Variants in PPM1E observed in about 807,000 individuals in gnomAD.
PPM1E encodes the protein protein phosphatase, Mg2+/Mn2+ dependent 1E.
PPM1E carries 20 observed loss-of-function variants against 65.9 expected under a neutral mutation model. That is an observed-to-expected ratio of 0.30 (90% CI 0.21 to 0.44). The LOEUF is 0.44. Ranked by LOEUF, PPM1E falls within the 20% of genes least tolerant of loss-of-function variation. The pLI is 1.00. For missense variants in PPM1E, 713 were observed against 953.1 expected (o/e 0.75, Z 3.32); for synonymous variants, 352 against 374.9 (o/e 0.94, Z 0.70).
intron 1 of PPM1E, among the ~76,000 whole-genome samples, chr17:58,778,297 A>G (rs1430043995): frequency 1.3e-5 from 2 of 151,134 alleles, no homozygotes; most frequent in Non-Finnish European, 2.9e-5. Context: ...ACGGGGTTTC[A>G]CCATGTTGGC....
intron 1 of PPM1E, among the ~76,000 whole-genome samples, chr17:58,858,048 C>T (rs780189467): frequency 1.2e-4 from 19 of 152,170 alleles, no homozygotes; most frequent in Non-Finnish European, 1.8e-4. Context: ...CCATAAAAAA[C>T]GTCATTGTTA....
intron 1 of PPM1E, among the ~76,000 whole-genome samples, chr17:58,861,504 G>A (rs543773653): frequency 7.5e-4 from 114 of 152,138 alleles, no homozygotes; most frequent in Non-Finnish European, 1.2e-3. Context: ...GTCCAGATTG[G>A]CAAAGTGACT....
chr17:58,834,768 G>T (rs986601513), intron 1 of PPM1E, among the ~76,000 whole-genome samples: 1 of 151,962 alleles, frequency 6.6e-6, no homozygotes, highest in Non-Finnish European at 1.5e-5. Context: ...CTCCCAATAC[G>T]ACCGTTTAAC....
rs753059616 is a variant in PPM1E, at chr17:58,955,643, T to A, written c.465-6T>A. On this transcript the variant is annotated splice_region_variant and splice_polypyrimidine_tract_variant and intron_variant, in intron 1 of 6. Transcript: ENST00000308249. ...TGAAAATGGCCTTTTATCTTTTTTC[T>A]TGCAGTAATTGCCCTTCCTTTTTGG... 4.3e-6 allele frequency: 7 copies of A among 1,613,060 alleles called. No individual in the cohort carries two copies. The highest frequency in any genetic ancestry group is 5.1e-6 in the Non-Finnish European group (6 of 1,179,858).
intron 1 of PPM1E, among the ~76,000 whole-genome samples, chr17:58,822,529 A>G (rs2050491667): frequency 6.6e-6 from 1 of 152,104 alleles, no homozygotes; most frequent in African/African-American, 2.4e-5. Context: ...GATTGGAGCC[A>G]GTTTCAATTG....
In PPM1E at chr17:58,980,642, C is replaced by T. The variant is rs762255757; in HGVS notation, c.1879C>T (p.Pro627Ser). Residue 627 changes from proline (P) to serine (S), a missense_variant, in exon 7 of 7, where the codon CCC becomes TCC. Pro to Ser is a moderately conservative substitution (Grantham distance 74). Transcript: ENST00000308249. This position sits in a 1 kb window ranked among gnomAD's most constrained non-coding sequence, Gnocchi z 4.7. ...LPEWSGAGEF[P>S]TAFNLGSTGE... ...TGAATGGAGTGGTGCTGGAGAGTTTCCCACTGCTTTCAATTTGGGTTCAAC... is the reference window on the plus strand; with the variant it reads ...TGAATGGAGTGGTGCTGGAGAGTTTTCCACTGCTTTCAATTTGGGTTCAAC... 3 of 1,614,036 alleles carry T rather than the reference C, an allele frequency of 1.9e-6. No homozygotes were observed. Among genetic ancestry groups the T allele is most frequent in the Non-Finnish European group, 2.5e-6 (3 of 1,180,030 alleles).
chr17:58,785,356 A>G (rs927715049), intron 1 of PPM1E: 1 of 147,588 alleles, frequency 6.8e-6, no homozygotes, highest in African/African-American at 2.5e-5. Context: ...CCCAGGCAAG[A>G]GTGCAGTGGT....
chr17:58,887,045 A>G (rs2051274373), intron 1 of PPM1E, among the ~76,000 whole-genome samples: 1 of 152,214 alleles, frequency 6.6e-6, no homozygotes, highest in South Asian at 2.1e-4. Context: ...AGCACTGCAT[A>G]TATAAAGCTC....
At chr17:58,832,977 T>C (rs1303442424) in intron 1 of PPM1E, among the ~76,000 whole-genome samples, 2 of 152,078 alleles carry the variant, frequency 1.3e-5, no homozygotes, top group Non-Finnish European at 2.9e-5. Context: ...TACTCCTGGC[T>C]ATGGCTAATT....
At chr17:58,936,433 G>A (rs2051981631) in intron 1 of PPM1E, among the ~76,000 whole-genome samples, 1 of 152,110 alleles carries the variant, frequency 6.6e-6, no homozygotes, top group Admixed American at 6.5e-5. Flanking sequence ...CTCCAGACGA[G>A]TCTCTCTCCA....
chr17:58,935,766 G>T (rs1284361530), intron 1 of PPM1E, among the ~76,000 whole-genome samples: 3 of 151,916 alleles, frequency 2.0e-5, no homozygotes, highest in African/African-American at 7.3e-5. Context: ...GTGAGCAAAT[G>T]GTTGGTAAGA....
At chr17:58,788,823 C>A (rs2050129087) in intron 1 of PPM1E, among the ~76,000 whole-genome samples, 1 of 152,046 alleles carries the variant, frequency 6.6e-6, no homozygotes, top group South Asian at 2.1e-4. Flanking sequence ...ATTGAACATT[C>A]CTTTTCATGC....
At position 58,980,506 on chromosome 17, in the gene PPM1E, C is replaced by T; in HGVS notation, c.1743C>T (p.His581=). Residue 581 remains histidine, a synonymous_variant, in exon 7 of 7, where the codon CAC becomes CAT. Transcript: ENST00000308249. The surrounding 1 kb of genome is among the most constrained non-coding windows in gnomAD (Gnocchi z 4.7). ...DLTQIEASKP[H]SAQFLLPVEM... is the part of the protein sequence containing the mutation. ...CACAAATAGAAGCAAGCAAACCTCA[C>T]AGTGCCCAGTTTTTGCTACCAGTTG... The T allele has an allele frequency of 6.2e-7, 1 of 1,614,180 alleles. No individual in the cohort carries two copies.
chr17:58,893,249 T>G (rs1239088261), intron 1 of PPM1E, among the ~76,000 whole-genome samples: 2 of 152,042 alleles, frequency 1.3e-5, no homozygotes, highest in African/African-American at 4.8e-5. Flanking sequence ...CGGTGGTGCA[T>G]CCAGACAATG....
intron 1 of PPM1E, among the ~76,000 whole-genome samples, chr17:58,862,231 T>C (rs1344100175): frequency 6.6e-6 from 1 of 152,234 alleles, no homozygotes. Flanking sequence ...TGGAAGGGCT[T>C]TTGGCAAAGG....
chr17:58,910,856 C>A (rs1404326598), intron 1 of PPM1E, among the ~76,000 whole-genome samples: 1 of 152,182 alleles, frequency 6.6e-6, no homozygotes, highest in African/African-American at 2.4e-5. Flanking sequence ...CTAGTTTCTT[C>A]TGAAAGAAGA....
At chr17:58,805,946 T>G (rs2050300848) in intron 1 of PPM1E, among the ~76,000 whole-genome samples, 1 of 95,540 alleles carries the variant, frequency 1.0e-5, no homozygotes, top group Non-Finnish European at 2.0e-5. Context: ...CAGGCTGTTC[T>G]GCTAAAAAAA....
chr17:58,972,239 T>C lies in PPM1E; in HGVS notation c.1080T>C (p.Ala360=). ...TTATGCTTGTGAGAAAGGGCCAAGC[T>C]GTTGAACTAATGAAGCCACACAAAC... ...SQVMLVRKGQ[A]VELMKPHKPD... The change falls in exon 5 of 7, where the codon GCT becomes GCC. Residue 360 remains alanine (A), a synonymous_variant. Transcript: ENST00000308249. The C allele has an allele frequency of 6.2e-7, 1 of 1,614,130 alleles. No individual in the cohort carries two copies. Among genetic ancestry groups the C allele is most frequent in the Non-Finnish European group, 8.5e-7 (1 of 1,179,992 alleles).
chr17:58,805,195 A>G (rs1388369068), intron 1 of PPM1E, among the ~76,000 whole-genome samples: 1 of 151,980 alleles, frequency 6.6e-6, no homozygotes, highest in Non-Finnish European at 1.5e-5. Context: ...GTGATTTCTG[A>G]GATTTTGGTG....
Sources: allele counts gnomAD v4.1 joint callset (sites outside exome capture counted in the v4.1 genomes callset), GRCh38; gene constraint gnomAD v4.1.1; non-coding constraint Gnocchi (gnomAD v3.1); transcripts MANE v1.5; gene names NCBI Gene and HGNC (gene_info 2026-07-23, HGNC 2026-07-21).